The following FANCB variants were observed in gnomAD, a reference collection of about 807,000 sequenced individuals.
FANCB encodes the protein Fanconi anemia group B protein.
FANCB carries 5 observed loss-of-function variants against 38.9 expected under a neutral mutation model. That is an observed-to-expected ratio of 0.13 (90% CI 0.07 to 0.27). The LOEUF is 0.27. Ranked by LOEUF, FANCB falls within the 10% of genes least tolerant of loss-of-function variation. FANCB has a pLI of 1.00. For synonymous variants in FANCB, 236 were observed against 215.4 expected, an observed-to-expected ratio of 1.10 and a Z score of -0.84; for missense variants, 573 against 602.7, an observed-to-expected ratio of 0.95 and a Z score of 0.52.
downstream of FANCB, among the ~76,000 whole-genome samples, chrX:14,839,950 G>C (rs898495198): frequency 9.1e-6 from 1 of 110,420 alleles, no homozygotes; most frequent in Non-Finnish European, 1.9e-5. Flanking sequence ...CCGCCTCCAG[G>C]GTTCAAGCGA....
chrX:14,829,836 T>C, the FANCB span, among the ~76,000 whole-genome samples: 1 of 112,469 alleles, frequency 8.9e-6, no homozygotes, highest in African/African-American at 3.2e-5. Context: ...TAAGGACGTC[T>C]TGCTTTCTTA....
At chrX:14,809,836 C>T in the FANCB span, among the ~76,000 whole-genome samples, 2 of 112,549 alleles carry the variant, frequency 1.8e-5, no homozygotes, top group Non-Finnish European at 3.8e-5. Flanking sequence ...CAGTGGTTCT[C>T]CCAGCACGCA....
chrX:14,767,741 C>A, the FANCB span, among the ~76,000 whole-genome samples: 7,118 of 111,713 alleles, frequency 0.064, 281 homozygotes, highest in African/African-American at 0.13. Context: ...TGGGCAATTT[C>A]GTCATGAAAT....
the FANCB span, among the ~76,000 whole-genome samples, chrX:14,825,112 A>G: frequency 8.9e-6 from 1 of 112,288 alleles, no homozygotes; most frequent in Non-Finnish European, 1.9e-5. Context: ...CTTTGAAGGC[A>G]ATCTTCTCCA....
chrX:14,739,691 CA>C, the FANCB span, among the ~76,000 whole-genome samples: 4 of 111,679 alleles, frequency 3.6e-5, no homozygotes, highest in African/African-American at 1.3e-4. Context: ...AATTCCATTT[CA>C]AAGGCGTTTA....
chrX:14,823,873 T>C, the FANCB span, among the ~76,000 whole-genome samples: 2 of 111,063 alleles, frequency 1.8e-5, no homozygotes, highest in Non-Finnish European at 3.8e-5. Flanking sequence ...TTCATATAAA[T>C]GGATGTCATG....
At chrX:14,730,315 C>T in the FANCB span, 2 of 1,208,436 alleles carry the variant, frequency 1.7e-6, no homozygotes, top group Non-Finnish European at 2.2e-6. Context: ...TGCCAACCCA[C>T]TCCCACAACC....
the FANCB span, among the ~76,000 whole-genome samples, chrX:14,701,122 A>AG: frequency 9.0e-6 from 1 of 110,583 alleles, no homozygotes; most frequent in African/African-American, 3.3e-5. Flanking sequence ...ATAAAGAGGG[A>AG]GGTGACAGAG....
the FANCB span, among the ~76,000 whole-genome samples, chrX:14,781,896 T>A: frequency 8.9e-6 from 1 of 111,839 alleles, no homozygotes; most frequent in Non-Finnish European, 1.9e-5. Flanking sequence ...AAAGCCAATA[T>A]CCTAGGGGCC....
the FANCB span, among the ~76,000 whole-genome samples, chrX:14,753,210 T>A: frequency 1.8e-5 from 2 of 111,555 alleles, no homozygotes. Context: ...CTGTTAATCA[T>A]CCCAGCAATG....
At chrX:14,775,208 G>A in the FANCB span, among the ~76,000 whole-genome samples, 1 of 56,588 alleles carries the variant, frequency 1.8e-5, no homozygotes, top group African/African-American at 6.3e-5. Context: ...CCGTCATTCT[G>A]ACTTTCTATT....
At chrX:14,720,262 A>T in the FANCB span, among the ~76,000 whole-genome samples, 5 of 112,048 alleles carry the variant, frequency 4.5e-5, no homozygotes, top group Admixed American at 4.7e-4. Context: ...ATCATTACAC[A>T]TTGTACACGT....
At chrX:14,736,084 C>T in the FANCB span, among the ~76,000 whole-genome samples, 1 of 111,269 alleles carries the variant, frequency 9.0e-6, no homozygotes, top group African/African-American at 3.3e-5. Context: ...CACCCCTCCC[C>T]ACACCAAGCT....
chrX:14,808,575 A>C, the FANCB span, among the ~76,000 whole-genome samples: 3 of 112,087 alleles, frequency 2.7e-5, no homozygotes, highest in African/African-American at 9.7e-5. Flanking sequence ...AACATAATAA[A>C]AGCCATATTT....
the FANCB span, among the ~76,000 whole-genome samples, chrX:14,712,842 G>A: frequency 1.8e-5 from 2 of 111,566 alleles, no homozygotes; most frequent in Non-Finnish European, 1.9e-5. Flanking sequence ...TCTAGCCACC[G>A]TGTCTAACAA....
the FANCB span, among the ~76,000 whole-genome samples, chrX:14,793,059 C>T: frequency 8.9e-6 from 1 of 111,993 alleles, no homozygotes; most frequent in Non-Finnish European, 1.9e-5. Context: ...ATTCTTCTTC[C>T]ATATTTACCT....
chrX:14,783,523 G>C, the FANCB span, among the ~76,000 whole-genome samples: 7 of 112,008 alleles, frequency 6.2e-5, no homozygotes, highest in Non-Finnish European at 1.1e-4. Context: ...AGTTATTGTT[G>C]CTCAGTCAAT....
the FANCB span, among the ~76,000 whole-genome samples, chrX:14,819,683 G>A: frequency 3.6e-5 from 4 of 112,148 alleles, no homozygotes; most frequent in Non-Finnish European, 7.5e-5. Context: ...GTACTGTGAA[G>A]ATCTGTTTCA....
chrX:14,751,117 A>G, the FANCB span, among the ~76,000 whole-genome samples: 127 of 112,088 alleles, frequency 1.1e-3, no homozygotes, highest in Middle Eastern at 4.6e-3. Flanking sequence ...GAGCACATAC[A>G]TCTCCCATAG....
Sources: allele counts gnomAD v4.1 joint callset (sites outside exome capture counted in the v4.1 genomes callset), GRCh38; gene constraint gnomAD v4.1.1; transcripts MANE v1.5; gene names NCBI Gene and HGNC (gene_info 2026-07-23, HGNC 2026-07-21).